The following ROR2 variants were observed in gnomAD, a reference collection of about 807,000 sequenced individuals.
ROR2 encodes tyrosine-protein kinase transmembrane receptor ROR2.
Under a neutral mutation model 74.9 loss-of-function variants are expected in ROR2, and 33 were observed. The observed-to-expected ratio is 0.44, with a 90% CI of 0.33 to 0.59. The LOEUF (loss-of-function observed/expected upper bound fraction) is 0.59, where lower values mean the gene tolerates loss of function less well. Among genes scored for constraint, ROR2 ranks in the 20% least tolerant of loss-of-function variants. The pLI, the probability that ROR2 is intolerant of heterozygous loss-of-function variation, is 0.02. For missense variants in ROR2, 1,216 were observed against 1,313.8 expected, an observed-to-expected ratio of 0.93 and a Z score of 1.15; for synonymous variants, 586 against 558.7, an observed-to-expected ratio of 1.05 and a Z score of -0.69.
At chr9:91,835,744 G>T (rs1201994762) in intron 1 of ROR2, among the ~76,000 whole-genome samples, 1 of 152,186 alleles carries the variant, frequency 6.6e-6, no homozygotes, top group African/African-American at 2.4e-5. Context: ...TGCAGGAGGC[G>T]GAAGGGTGCA....
intron 1 of ROR2, among the ~76,000 whole-genome samples, chr9:91,907,730 T>C (rs1443311013): frequency 6.6e-6 from 1 of 152,172 alleles, no homozygotes; most frequent in Non-Finnish European, 1.5e-5. Flanking sequence ...ACAGAAGGCA[T>C]ATTATCAGGA....
chr9:91,871,331 C>T (rs1829790822), intron 1 of ROR2, among the ~76,000 whole-genome samples: 1 of 152,208 alleles, frequency 6.6e-6, no homozygotes, highest in Admixed American at 6.5e-5. Context: ...CTATCATTCT[C>T]CCTCATCTTG....
intron 1 of ROR2, among the ~76,000 whole-genome samples, chr9:91,933,272 C>T (rs7857924): frequency 0.05 from 7,651 of 152,182 alleles, 236 homozygotes; most frequent in African/African-American, 0.081. Context: ...GCCGAGATTG[C>T]GCCACTGCAC....
At chr9:91,805,425 C>T (rs750298033) in intron 1 of ROR2, among the ~76,000 whole-genome samples, 9 of 152,188 alleles carry the variant, frequency 5.9e-5, no homozygotes, top group Non-Finnish European at 1.0e-4. Context: ...TCCTATCAGC[C>T]CCTCTCCTTC....
In ROR2 at chr9:91,723,765, T is replaced by C; in HGVS notation, c.2729A>G (p.Gln910Arg). The change falls in exon 9 of 9, where the codon CAG becomes CGG. Residue 910 changes from glutamine (Q) to arginine (R), a missense_variant. Physicochemically the swap from Gln to Arg is conservative, Grantham distance 43. Coordinates refer to ENST00000375708, the MANE Select transcript of ROR2 (RefSeq NM_004560.4). ...GCCTTCCTCCTCCTCCTCTGCTTCC[T>C]GCACGGTGCTCTGGGCCCCATCTTC... ...APEDGAQSTV[Q>R]EAEEEEEGSV... 1 of 1,613,846 alleles carries C rather than the reference T, an allele frequency of 6.2e-7. No individual in the cohort carries two copies. The highest frequency in any genetic ancestry group is 8.5e-7 in the Non-Finnish European group (1 of 1,180,036).
intron 1 of ROR2, among the ~76,000 whole-genome samples, chr9:91,876,459 G>A (rs963994185): frequency 1.2e-4 from 18 of 151,982 alleles, no homozygotes; most frequent in African/African-American, 2.4e-5. Flanking sequence ...GCCAGTCCCC[G>A]ACACCAAATG....
intron 1 of ROR2, among the ~76,000 whole-genome samples, chr9:91,802,935 G>A (rs964835160): frequency 9.2e-5 from 14 of 152,142 alleles, no homozygotes; most frequent in African/African-American, 2.9e-4. Flanking sequence ...CGAGCACACC[G>A]AAAGATGCTC....
intron 1 of ROR2, among the ~76,000 whole-genome samples, chr9:91,830,995 C>T (rs1828452015): frequency 6.6e-6 from 1 of 152,110 alleles, no homozygotes; most frequent in African/African-American, 2.4e-5. Flanking sequence ...GGTATGGTGG[C>T]TCACGCCTGT....
chr9:91,919,330 A>C (rs765998205), intron 1 of ROR2, among the ~76,000 whole-genome samples: 6 of 152,200 alleles, frequency 3.9e-5, no homozygotes, highest in Non-Finnish European at 8.8e-5. Context: ...GGATCTCTAC[A>C]AGACTCTGCT....
At chr9:91,819,877 T>C (rs1033293860) in intron 1 of ROR2, among the ~76,000 whole-genome samples, 1 of 152,088 alleles carries the variant, frequency 6.6e-6, no homozygotes, top group African/African-American at 2.4e-5. Flanking sequence ...TGTATTTGTG[T>C]GTGTGTGTCT....
chr9:91,934,827 G>A (rs76400462), intron 1 of ROR2, among the ~76,000 whole-genome samples: 1 of 152,092 alleles, frequency 6.6e-6, no homozygotes, highest in Non-Finnish European at 1.5e-5. Flanking sequence ...CTAATTAGAC[G>A]TAATTGTGTC....
intron 1 of ROR2, among the ~76,000 whole-genome samples, chr9:91,879,901 TTC>T (rs1345724903): frequency 6.6e-6 from 1 of 152,136 alleles, no homozygotes; most frequent in Non-Finnish European, 1.5e-5. Flanking sequence ...CACTCATTTT[TTC>T]TGAGAAGATT....
At position 91,881,780 on chromosome 9, in the gene ROR2, G is replaced by GGT. The variant is rs148428614; in HGVS notation, c.97+68085_97+68086dup. ...CAGGGGAATTATCACACGGAGAGAGGGTTTGTAGAGAAAAGCCCGACAGGG... is the reference window on the plus strand; with the variant it reads ...CAGGGGAATTATCACACGGAGAGAGGGTGTTTGTAGAGAAAAGCCCGACAGGG... On this transcript the variant is annotated intron_variant, in intron 1 of 8. Transcript: ENST00000375708. 2.3e-3 allele frequency among the ~76,000 whole-genome samples: 353 copies of GGT among 152,282 alleles called. 1 individual carries two copies. The highest frequency in any genetic ancestry group is 8.3e-3 in the African/African-American group (345 of 41,548).
chr9:91,946,505 G>A (rs537069039), intron 1 of ROR2, among the ~76,000 whole-genome samples: 12 of 152,312 alleles, frequency 7.9e-5, no homozygotes, highest in African/African-American at 2.9e-4. Context: ...AGGTTCCCAG[G>A]GAATGAACCA....
intron 1 of ROR2, among the ~76,000 whole-genome samples, chr9:91,915,537 T>C (rs1270504708): frequency 2.0e-5 from 3 of 151,766 alleles, no homozygotes; most frequent in Non-Finnish European, 2.9e-5. Flanking sequence ...AAGGTGGCAC[T>C]GGACCCAAAG....
At chr9:91,793,924 T>C (rs1309858015) in intron 1 of ROR2, among the ~76,000 whole-genome samples, 1 of 152,230 alleles carries the variant, frequency 6.6e-6, no homozygotes, top group African/African-American at 2.4e-5. Flanking sequence ...CGGATACCTA[T>C]AGCCTGGTCC....
intron 1 of ROR2, among the ~76,000 whole-genome samples, chr9:91,837,803 A>G (rs989254604): frequency 7.2e-5 from 11 of 152,238 alleles, no homozygotes; most frequent in Admixed American, 7.2e-4. Context: ...TATAGTTTTA[A>G]TCACTGTTGT....
chr9:91,733,185 G>T lies in ROR2; in HGVS notation c.874C>A (p.Pro292Thr). 6.2e-7 allele frequency: 1 copy of T among 1,609,980 alleles called. No individual in the cohort carries two copies. The highest frequency in any genetic ancestry group is 1.1e-5 in the South Asian group (1 of 90,382). The change falls in exon 6 of 9, where the codon CCT (proline) becomes ACT (threonine). Residue 292 changes from proline (P) to threonine (T), a missense_variant. By Grantham distance (38) the Pro-to-Thr change is conservative. Transcript: ENST00000375708. This position sits in a 1 kb window ranked among gnomAD's most constrained non-coding sequence, Gnocchi z 5.7. ...CAGTTGGCAGCGTCGGGGCTCTCAGGCATGGGCAGCGCCTCACACTTGGGC... is the reference window on the plus strand; with the variant it reads ...CAGTTGGCAGCGTCGGGGCTCTCAGTCATGGGCAGCGCCTCACACTTGGGC... ...QLPKCEALPM[P>T]ESPDAANCMR... is the part of the protein sequence containing the mutation.
At chr9:91,925,777 A>G (rs1193320281) in intron 1 of ROR2, among the ~76,000 whole-genome samples, 1 of 152,190 alleles carries the variant, frequency 6.6e-6, no homozygotes, top group African/African-American at 2.4e-5. Context: ...TTCATTGCAC[A>G]GAATTTGGGG....
Sources: gnomAD v4.1 joint callset for allele counts (sites outside exome capture counted in the v4.1 genomes callset) on GRCh38, gnomAD v4.1.1 for gene constraint, Gnocchi (gnomAD v3.1) non-coding constraint, MANE v1.5 for transcripts, NCBI Gene and HGNC (gene_info 2026-07-23, HGNC 2026-07-21) for gene names.